The following DMXL2 variants were observed in gnomAD, a reference collection of about 807,000 sequenced individuals.
DMXL2 encodes the protein Dmx like 2.
A neutral mutation model predicts 331.1 loss-of-function variants in DMXL2; 103 were observed. The observed-to-expected ratio is 0.31, with a 90% CI of 0.27 to 0.37. The LOEUF (loss-of-function observed/expected upper bound fraction) is 0.37. DMXL2 is among the 10% of genes least tolerant of loss of function. The pLI is 1.00. For missense variants in DMXL2, 3,171 were observed against 3,642.9 expected, an observed-to-expected ratio of 0.87 and a Z score of 3.33; for synonymous variants, 1,281 against 1,252.1, an observed-to-expected ratio of 1.02 and a Z score of -0.49.
intron 9 of DMXL2, among the ~76,000 whole-genome samples, chr15:51,541,970 G>C (rs2048622085): frequency 1.3e-5 from 2 of 152,150 alleles, no homozygotes; most frequent in South Asian, 4.1e-4. Flanking sequence ...TATATTTAGA[G>C]GAGGTTATAA....
chr15:51,537,214 T>C (rs528637676), intron 11 of DMXL2, among the ~76,000 whole-genome samples: 1 of 152,332 alleles, frequency 6.6e-6, no homozygotes, highest in Admixed American at 6.5e-5. Flanking sequence ...AGTTTCTTAA[T>C]CTTATTCAAA....
At chr15:51,531,665 A>T (rs2048008695) in intron 13 of DMXL2, among the ~76,000 whole-genome samples, 1 of 152,238 alleles carries the variant, frequency 6.6e-6, no homozygotes, top group African/African-American at 2.4e-5. Context: ...AAGCTCAAAC[A>T]ACTCTACAGG....
At chr15:51,601,780 C>T (rs2141321276) in intron 1 of DMXL2, among the ~76,000 whole-genome samples, 3 of 152,208 alleles carry the variant, frequency 2.0e-5, no homozygotes, top group Admixed American at 2.0e-4. Context: ...CCACAAAATT[C>T]TCTTAAAATT....
chr15:51,451,610 T>C (rs1443782486), intron 42 of DMXL2, 35 bp downstream of exon 42: 17 of 1,528,464 alleles, frequency 1.1e-5, no homozygotes, highest in Admixed American at 5.2e-5. Flanking sequence ...TATTCCTTCA[T>C]GGTATATTTT....
At chr15:51,451,272 G>T (rs554720787) in intron 42 of DMXL2, among the ~76,000 whole-genome samples, 1 of 151,792 alleles carries the variant, frequency 6.6e-6, no homozygotes, top group African/African-American at 2.4e-5. Context: ...CCACAAAAAG[G>T]AAAAAAAGAC....
intron 1 of DMXL2, among the ~76,000 whole-genome samples, chr15:51,595,089 G>A (rs1311377519): frequency 6.6e-6 from 1 of 152,120 alleles, no homozygotes; most frequent in East Asian, 1.9e-4. Flanking sequence ...GGCAGGAGAA[G>A]GAAATAAAGG....
At position 51,480,576 on chromosome 15, in the gene DMXL2, A is replaced by G. The variant is rs140007602; in HGVS notation, c.6530T>C (p.Met2177Thr). The change falls in exon 24 of 44, where the codon ATG (methionine) becomes ACG (threonine). Residue 2177 changes from methionine (M) to threonine (T), a missense_variant. Coordinates refer to ENST00000560891, the MANE Select transcript of DMXL2 (RefSeq NM_001378457.1). ...AQGGGLASVR[M>T]ELKFLLQESQ... ...TTCTTGTAGCAAAAATTTGAGTTCC[A>G]TCCTTACTGAAGCCAAACCACCACC... 8.4e-6 allele frequency: 13 copies of G among 1,543,810 alleles called. No individual in the cohort carries two copies. Among genetic ancestry groups the G allele is most frequent in the Non-Finnish European group, 1.1e-5 (13 of 1,142,748 alleles).
At chr15:51,478,561 T>G (rs2140352904) in intron 25 of DMXL2, among the ~76,000 whole-genome samples, 1 of 152,300 alleles carries the variant, frequency 6.6e-6, no homozygotes, top group Non-Finnish European at 1.5e-5. Context: ...AGACACATTT[T>G]AATCAAACAG....
intron 18 of DMXL2, 151 bp downstream of exon 18, chr15:51,498,401 C>A: frequency 1.5e-6 from 1 of 685,298 alleles, no homozygotes; most frequent in South Asian, 2.4e-5. Context: ...TCTAACTGAG[C>A]ATATTATATA....
chr15:51,494,963 C>T (rs1321254587), intron 19 of DMXL2, 61 bp downstream of exon 19: 5 of 1,192,932 alleles, frequency 4.2e-6, no homozygotes, highest in Non-Finnish European at 6.2e-6. Context: ...AAACATGATA[C>T]ACCCCATCGC....
chr15:51,557,620 AT>A (rs1445156451), intron 6 of DMXL2, among the ~76,000 whole-genome samples: 1 of 152,220 alleles, frequency 6.6e-6, no homozygotes, highest in Non-Finnish European at 1.5e-5. Flanking sequence ...GCCCTACCAG[AT>A]ATCAAGACTT....
At chr15:51,594,241 T>C (rs1397349305) in intron 1 of DMXL2, among the ~76,000 whole-genome samples, 3 of 152,146 alleles carry the variant, frequency 2.0e-5, no homozygotes, top group Admixed American at 6.6e-5. Flanking sequence ...ATATCACCAC[T>C]GATCCCACAG....
chr15:51,508,866 T>C (rs1037369524), intron 15 of DMXL2, among the ~76,000 whole-genome samples: 1 of 152,188 alleles, frequency 6.6e-6, no homozygotes, highest in Non-Finnish European at 1.5e-5. Context: ...TGAGAACTGA[T>C]AAAATTGGAA....
At chr15:51,455,854 G>C (rs2039573506) in intron 39 of DMXL2, among the ~76,000 whole-genome samples, 1 of 152,090 alleles carries the variant, frequency 6.6e-6, no homozygotes, top group African/African-American at 2.4e-5. Context: ...AGTATATTTA[G>C]TATCTTTAAA....
intron 10 of DMXL2, 85 bp from the exon 11 acceptor site, chr15:51,537,844 A>G: frequency 1.4e-6 from 2 of 1,381,618 alleles, no homozygotes; most frequent in Non-Finnish European, 1.9e-6. Flanking sequence ...TACTATCTTT[A>G]AAAACTAAAT....
chr15:51,612,273 T>C (rs911447133), intron 1 of DMXL2, among the ~76,000 whole-genome samples: 6 of 152,252 alleles, frequency 3.9e-5, no homozygotes, highest in African/African-American at 4.8e-5. Flanking sequence ...CACATAGAGA[T>C]AGCACTATTT....
chr15:51,463,284 A>G, intron 33 of DMXL2, 95 bp downstream of exon 33: 1 of 770,240 alleles, frequency 1.3e-6, no homozygotes, highest in Non-Finnish European at 2.1e-6. Context: ...CCCAACCAGA[A>G]AGAAAATTTC....
At chr15:51,579,750 C>T (rs11635216) in intron 1 of DMXL2, among the ~76,000 whole-genome samples, 76,468 of 151,900 alleles carry the variant, frequency 0.5, 19,439 homozygotes, top group Non-Finnish European at 0.52. Flanking sequence ...GGGAGAGATT[C>T]TGACTGATTT....
At chr15:51,478,799 A>G (rs931365975) in intron 25 of DMXL2, among the ~76,000 whole-genome samples, 1 of 152,208 alleles carries the variant, frequency 6.6e-6, no homozygotes, top group Non-Finnish European at 1.5e-5. Flanking sequence ...AAATCTTTTT[A>G]GTAAATGTGT....
Sources: gnomAD v4.1 joint callset for allele counts (sites outside exome capture counted in the v4.1 genomes callset) on GRCh38, gnomAD v4.1.1 for gene constraint, MANE v1.5 for transcripts, NCBI Gene and HGNC (gene_info 2026-07-23, HGNC 2026-07-21) for gene names.